Variants in CSMD1 observed in about 807,000 individuals in gnomAD.
CSMD1 encodes CUB and Sushi multiple domains 1, also known as CUB and sushi domain-containing protein 1.
CSMD1 carries 213 observed loss-of-function variants against 417.5 expected under a neutral mutation model. The observed-to-expected ratio is 0.51, with a 90% CI of 0.46 to 0.57. CSMD1 has a LOEUF of 0.57. Among genes scored for constraint, CSMD1 ranks in the 20% least tolerant of loss-of-function variants. The pLI is 0.00. For synonymous variants in CSMD1, 2,862 were observed against 1,736.8 expected (o/e 1.65, Z -16.11); for missense variants, 6,923 against 4,529.7 (o/e 1.53, Z -15.17).
At chr8:3,283,465 G>A (rs1420805364) in intron 26 of CSMD1, among the ~76,000 whole-genome samples, 1 of 151,808 alleles carries the variant, frequency 6.6e-6, no homozygotes, top group Non-Finnish European at 1.5e-5. Context: ...AACTAAGTAG[G>A]TCCATTGCTG....
At chr8:4,012,751 T>C (rs942086566) in intron 4 of CSMD1, among the ~76,000 whole-genome samples, 1 of 152,174 alleles carries the variant, frequency 6.6e-6, no homozygotes, top group African/African-American at 2.4e-5. Flanking sequence ...AAAATGGTTC[T>C]TTTGCTCTTT....
chr8:4,218,823 T>C lies in CSMD1; in HGVS notation c.416-186724A>G, dbSNP rs766557918. 4.1e-4 allele frequency among the ~76,000 whole-genome samples: 63 copies of C among 152,218 alleles called. 1 individual carries two copies. The highest frequency in any genetic ancestry group is 7.9e-4 in the Non-Finnish European group (54 of 68,040). On this transcript the variant is annotated intron_variant, in intron 3 of 69. Transcript: ENST00000635120. The stretch of plus-strand genomic sequence containing the variant: ...TCTGTTTTCTCAGTGTCAATCCTTT[T>C]ATTCTGACAATTATTTCCCCTATAC...
At chr8:4,124,653 G>A (rs575388540) in intron 3 of CSMD1, among the ~76,000 whole-genome samples, 43 of 152,220 alleles carry the variant, frequency 2.8e-4, no homozygotes, top group Admixed American at 2.5e-3. Context: ...GTGAAAGTGA[G>A]GGACTAAGTG....
intron 8 of CSMD1, among the ~76,000 whole-genome samples, chr8:3,609,111 CA>C (rs1176247150): frequency 1.3e-5 from 2 of 152,146 alleles, no homozygotes; most frequent in African/African-American, 4.8e-5. Context: ...CAGTAGGATC[CA>C]GCTCTGACTC....
Position 3,308,445 on chromosome 8 carries a change from ACGGATCCTATAGCCGTAGTTAGGGATGCC to A in CSMD1, c.3661_3689del (p.Gly1221Ter), listed in dbSNP as rs1805060619. On this transcript the variant is annotated frameshift_variant, in exon 24 of 70. Coordinates refer to ENST00000635120, the MANE Select transcript of CSMD1 (RefSeq NM_033225.6). LOFTEE classifies it high-confidence loss of function. ...CAGTGTCGGTAAAGTGGCCTTCATC[ACGGATCCTATAGCCGTAGTTAGGGATGCC>A]CGGATCCTCACATTTTACCAGATCA... 1 of 1,613,688 alleles carries A rather than the reference ACGGATCCTATAGCCGTAGTTAGGGATGCC, an allele frequency of 6.2e-7. No homozygotes were observed. The highest frequency in any genetic ancestry group is 8.5e-7 in the Non-Finnish European group (1 of 1,179,812).
intron 31 of CSMD1, 63 bp downstream of exon 31, chr8:3,205,441 G>A: frequency 1.2e-6 from 1 of 832,190 alleles, no homozygotes; most frequent in Non-Finnish European, 1.9e-6. Flanking sequence ...TTTATCAAAT[G>A]ACAGAAAAAT....
At chr8:3,920,483 C>T (rs938459635) in intron 5 of CSMD1, among the ~76,000 whole-genome samples, 1 of 151,896 alleles carries the variant, frequency 6.6e-6, no homozygotes, top group African/African-American at 2.4e-5. Flanking sequence ...TTTTACTTTC[C>T]TAATTGATCT....
At chr8:3,940,385 T>A (rs950770606) in intron 5 of CSMD1, among the ~76,000 whole-genome samples, 8 of 152,158 alleles carry the variant, frequency 5.3e-5, no homozygotes, top group African/African-American at 1.9e-4. Flanking sequence ...ATTTTGAAAA[T>A]TATATTGAAA....
intron 1 of CSMD1, among the ~76,000 whole-genome samples, chr8:4,965,687 T>C (rs189009951): frequency 6.6e-6 from 1 of 152,326 alleles, no homozygotes; most frequent in African/African-American, 2.4e-5. Flanking sequence ...TAAGGTTGGC[T>C]GGATGTTCAA....
At chr8:3,276,305 AGAAC>A (rs1802286069) in intron 26 of CSMD1, among the ~76,000 whole-genome samples, 1 of 152,162 alleles carries the variant, frequency 6.6e-6, no homozygotes, top group South Asian at 2.1e-4. Flanking sequence ...GCATGCTGGG[AGAAC>A]CACTGCTCTC....
intron 3 of CSMD1, among the ~76,000 whole-genome samples, chr8:4,381,571 G>A (rs1397108271): frequency 6.6e-6 from 1 of 151,966 alleles, no homozygotes; most frequent in African/African-American, 2.4e-5. Flanking sequence ...TTGCAATTCT[G>A]CCCAAAAGCA....
rs1050871078 is a variant in CSMD1, at chr8:3,956,964, G to T, written c.818+40939C>A. Among the ~76,000 whole-genome samples the T allele has an allele frequency of 5.3e-5, 8 of 152,276 alleles. 1 individual carries two copies. The highest frequency in any genetic ancestry group is 2.0e-4 in the Admixed American group (3 of 15,298). ...GAATATTACTTTTTCTATACGGAAA[G>T]GTTGGACCTGTTTTTCTTGTGGGCC... is the stretch of plus-strand genomic sequence containing the variant. On this transcript the variant is annotated intron_variant, in intron 5 of 69. Transcript: ENST00000635120.
chr8:3,294,136 C>T (rs1415409744), intron 25 of CSMD1, among the ~76,000 whole-genome samples: 1 of 152,198 alleles, frequency 6.6e-6, no homozygotes, highest in Non-Finnish European at 1.5e-5. Flanking sequence ...GACTGCAGAA[C>T]AGCAGATGTT....
intron 10 of CSMD1, among the ~76,000 whole-genome samples, chr8:3,566,796 G>A (rs531312732): frequency 2.0e-5 from 3 of 152,332 alleles, no homozygotes; most frequent in African/African-American, 4.8e-5. Flanking sequence ...TGGTGAGGTT[G>A]TGGAGAAAAA....
At chr8:4,234,783 C>T (rs1222519070) in intron 3 of CSMD1, among the ~76,000 whole-genome samples, 2 of 152,158 alleles carry the variant, frequency 1.3e-5, no homozygotes, top group South Asian at 4.2e-4. Flanking sequence ...GGCTAACTTG[C>T]CCCCAGATAA....
chr8:4,182,312 G>C (rs1246778303), intron 3 of CSMD1, among the ~76,000 whole-genome samples: 3 of 152,198 alleles, frequency 2.0e-5, no homozygotes, highest in South Asian at 2.1e-4. Flanking sequence ...CTTGCCCTTG[G>C]TTTCAGTAAA....
At chr8:3,654,807 C>A (rs556342729) in intron 7 of CSMD1, among the ~76,000 whole-genome samples, 1 of 152,122 alleles carries the variant, frequency 6.6e-6, no homozygotes, top group Non-Finnish European at 1.5e-5. Context: ...TGCCTCAGGG[C>A]TACCATGGCG....
intron 1 of CSMD1, among the ~76,000 whole-genome samples, chr8:4,736,560 G>A (rs117343235): frequency 6.6e-6 from 1 of 152,246 alleles, no homozygotes; most frequent in East Asian, 1.9e-4. Context: ...CCCCAGGGAA[G>A]GTGAACACTC....
At chr8:4,955,623 T>A (rs1461172474) in intron 1 of CSMD1, among the ~76,000 whole-genome samples, 1 of 151,972 alleles carries the variant, frequency 6.6e-6, no homozygotes, top group Non-Finnish European at 1.5e-5. Context: ...ACCCGGCTAA[T>A]TTTTGTATTT....
Sources: gnomAD v4.1 joint callset for allele counts (sites outside exome capture counted in the v4.1 genomes callset) on GRCh38, gnomAD v4.1.1 for gene constraint, MANE v1.5 for transcripts, NCBI Gene and HGNC (gene_info 2026-07-23, HGNC 2026-07-21) for gene names.